The following AHCYL2 variants were observed in gnomAD, a reference collection of about 807,000 sequenced individuals.
The protein encoded by AHCYL2 is adenosylhomocysteinase like 2.
AHCYL2 carries 28 observed loss-of-function variants against 81.4 expected under a neutral mutation model. That is an observed-to-expected ratio of 0.34 (90% confidence interval 0.25 to 0.47). AHCYL2 has a LOEUF of 0.47. Ranked by LOEUF, AHCYL2 falls within the 20% of genes least tolerant of loss-of-function variation. The pLI is 1.00. For synonymous variants in AHCYL2, 272 were observed against 290.2 expected, an observed-to-expected ratio of 0.94 and a Z score of 0.64; for missense variants, 551 against 785.1, an observed-to-expected ratio of 0.70 and a Z score of 3.56.
At chr7:129,321,743 GTTTTT>G in intron 1 of AHCYL2, among the ~76,000 whole-genome samples, 4 of 77,626 alleles carry the variant, frequency 5.2e-5, no homozygotes, top group Non-Finnish European at 1.0e-4. Flanking sequence ...TTCTTTCTTT[GTTTTT>G]TTTTTTTTTT....
intron 2 of AHCYL2, among the ~76,000 whole-genome samples, chr7:129,383,765 C>G (rs150392130): frequency 9.3e-4 from 142 of 152,266 alleles, no homozygotes; most frequent in Middle Eastern, 3.4e-3. Context: ...ACGCCATGCA[C>G]TCTCCTGCTT....
intron 1 of AHCYL2, among the ~76,000 whole-genome samples, chr7:129,289,236 TG>T (rs1177009943): frequency 6.6e-6 from 1 of 152,158 alleles, no homozygotes; most frequent in African/African-American, 2.4e-5. Flanking sequence ...AGCACAGGTG[TG>T]TGCCACAATG....
chr7:129,407,628 G>A (rs1027225770), intron 10 of AHCYL2, among the ~76,000 whole-genome samples: 2 of 152,166 alleles, frequency 1.3e-5, no homozygotes, highest in African/African-American at 4.8e-5. Flanking sequence ...ATACTGAACA[G>A]TTCAGATTAT....
At chr7:129,371,408 C>CA (rs1164628276) in intron 1 of AHCYL2, among the ~76,000 whole-genome samples, 1 of 152,206 alleles carries the variant, frequency 6.6e-6, no homozygotes, top group Non-Finnish European at 1.5e-5. Flanking sequence ...TGATTTCCAG[C>CA]AGGGAAATAA....
chr7:129,376,150 C>A (rs962634216), intron 1 of AHCYL2, among the ~76,000 whole-genome samples: 1 of 152,056 alleles, frequency 6.6e-6, no homozygotes, highest in Admixed American at 6.6e-5. Flanking sequence ...CTTAAAAGAC[C>A]CTGGTTCCAG....
Position 129,406,596 on chromosome 7 carries a change from TC to T in AHCYL2, c.1295+131del. On this transcript the variant is annotated intron_variant, in intron 10 of 16. Transcript: ENST00000325006. The surrounding 1 kb of genome is among the most constrained non-coding windows in gnomAD (Gnocchi z 4.3). Reference sequence around the variant, plus strand: ...TGCTGCCACTAACTCTAAGCATCTGTCTTTTAAAAAGGTCAAGGAGCTCTGC... The same window carrying T: ...TGCTGCCACTAACTCTAAGCATCTGTTTTTAAAAAGGTCAAGGAGCTCTGC... 1 of 897,926 alleles carries T rather than the reference TC, an allele frequency of 1.1e-6. No individual in the cohort carries two copies. Among genetic ancestry groups the T allele is most frequent in the South Asian group, 1.5e-5 (1 of 66,208 alleles). 55.6% of individuals were successfully genotyped at this position (897,926 alleles called of 1,614,324 possible).
At chr7:129,355,379 C>T (rs1793703220) in intron 1 of AHCYL2, among the ~76,000 whole-genome samples, 1 of 152,094 alleles carries the variant, frequency 6.6e-6, no homozygotes, top group Non-Finnish European at 1.5e-5. Flanking sequence ...GCTGTTATCT[C>T]TGGGTTCAAT....
At chr7:129,311,054 G>C (rs1447162109) in intron 1 of AHCYL2, among the ~76,000 whole-genome samples, 1 of 150,774 alleles carries the variant, frequency 6.6e-6, no homozygotes, top group East Asian at 2.0e-4. Context: ...GTTGTAGTGA[G>C]CCAAGATCAC....
At chr7:129,271,683 T>C (rs890603310) in intron 1 of AHCYL2, among the ~76,000 whole-genome samples, 1 of 152,234 alleles carries the variant, frequency 6.6e-6, no homozygotes, top group Admixed American at 6.5e-5. Context: ...CACTCTGTTA[T>C]AATTCATTGA....
At chr7:129,253,998 T>G (rs1795327823) in intron 1 of AHCYL2, among the ~76,000 whole-genome samples, 1 of 152,226 alleles carries the variant, frequency 6.6e-6, no homozygotes, top group South Asian at 2.1e-4. Context: ...TGTAGTACTT[T>G]AACCAAGTGT....
At position 129,363,431 on chromosome 7, in the gene AHCYL2, G is replaced by A. The variant is rs191190498; in HGVS notation, c.364-16207G>A. The stretch of plus-strand genomic sequence containing the variant: ...CATTTCAGAATTGTTGCAGAAAGAC[G>A]TAGTGAGGTTGCAGTGTTCAAATAG... On this transcript the variant is annotated intron_variant, in intron 1 of 16. Coordinates refer to ENST00000325006, the MANE Select transcript of AHCYL2 (RefSeq NM_015328.4). Among the ~76,000 whole-genome samples, 287 of 152,212 alleles carry A rather than the reference G, an allele frequency of 1.9e-3. 9 individuals are homozygous for A. The highest frequency in any genetic ancestry group is 0.016 in the Admixed American group (244 of 15,288).
chr7:129,249,609 T>C (rs916911328), intron 1 of AHCYL2, among the ~76,000 whole-genome samples: 5 of 151,746 alleles, frequency 3.3e-5, no homozygotes, highest in African/African-American at 1.2e-4. Context: ...GTATTTTTAG[T>C]AGAGACGGGG....
chr7:129,362,938 G>GT (rs1171323196), intron 1 of AHCYL2, among the ~76,000 whole-genome samples: 1 of 152,086 alleles, frequency 6.6e-6, no homozygotes, highest in African/African-American at 2.4e-5. Flanking sequence ...CCTGAAAAGA[G>GT]TAACTTTTTG....
intron 7 of AHCYL2, among the ~76,000 whole-genome samples, chr7:129,404,000 C>T (rs530699727): frequency 1.5e-3 from 220 of 145,658 alleles, no homozygotes; most frequent in African/African-American, 5.2e-3. Context: ...TAATTAACAA[C>T]ACAAATAATG....
chr7:129,289,402 T>A (rs1296221715), intron 1 of AHCYL2, among the ~76,000 whole-genome samples: 1 of 152,260 alleles, frequency 6.6e-6, no homozygotes, highest in Non-Finnish European at 1.5e-5. Context: ...TGTCTCTTTT[T>A]GTGTGATGTT....
chr7:129,303,298 C>T (rs966605727), intron 1 of AHCYL2, among the ~76,000 whole-genome samples: 24 of 152,146 alleles, frequency 1.6e-4, no homozygotes, highest in Admixed American at 5.2e-4. Flanking sequence ...CATGCCTGGC[C>T]GACTGAGAGA....
chr7:129,288,057 G>T (rs1796700086), intron 1 of AHCYL2, among the ~76,000 whole-genome samples: 1 of 152,064 alleles, frequency 6.6e-6, no homozygotes, highest in Non-Finnish European at 1.5e-5. Flanking sequence ...ATTTTTAATA[G>T]CATAAAAACC....
At chr7:129,237,965 C>G (rs1483399350) in intron 1 of AHCYL2, among the ~76,000 whole-genome samples, 1 of 152,110 alleles carries the variant, frequency 6.6e-6, no homozygotes. Context: ...TGTGATCCAC[C>G]TGCTTCGGCC....
intron 1 of AHCYL2, among the ~76,000 whole-genome samples, chr7:129,307,549 C>T (rs1243971955): frequency 6.6e-6 from 1 of 151,990 alleles, no homozygotes; most frequent in Non-Finnish European, 1.5e-5. Context: ...AATGCAAGAG[C>T]CAAGGCCTGG....
Sources: gnomAD v4.1 joint callset for allele counts (sites outside exome capture counted in the v4.1 genomes callset) on GRCh38, gnomAD v4.1.1 for gene constraint, Gnocchi (gnomAD v3.1) non-coding constraint, MANE v1.5 for transcripts, NCBI Gene and HGNC (gene_info 2026-07-23, HGNC 2026-07-21) for gene names.